SPATC1: variants seen among roughly 807,000 people sequenced by gnomAD.
SPATC1 encodes the protein spermatogenesis and centriole associated 1.
In SPATC1, 35 loss-of-function variants were observed where a neutral mutation model predicts 36.5. The ratio of observed to expected loss-of-function variants is 0.96; its 90% confidence interval spans 0.73 to 1.27. The LOEUF (loss-of-function observed/expected upper bound fraction) is 1.27. SPATC1 is among the 50% of genes most tolerant of loss of function. SPATC1 has a pLI of 0.00. For synonymous variants in SPATC1, 361 were observed against 353.6 expected (o/e 1.02, Z -0.24); for missense variants, 779 against 796.0 (o/e 0.98, Z 0.26).
intron 1 of SPATC1, among the ~76,000 whole-genome samples, chr8:144,037,513 C>T (rs1554755000): frequency 1.3e-5 from 2 of 152,102 alleles, no homozygotes; most frequent in African/African-American, 2.4e-5. Context: ...TTACCCCCAA[C>T]CCTGTGCTCT....
intron 1 of SPATC1, among the ~76,000 whole-genome samples, chr8:144,033,748 T>C (rs968802375): frequency 2.0e-5 from 3 of 152,306 alleles, no homozygotes; most frequent in East Asian, 3.9e-4. Flanking sequence ...TCAGTGACTT[T>C]GTGTCTCCAG....
At chr8:144,023,428 G>T (rs1834595182) in intron 1 of SPATC1, among the ~76,000 whole-genome samples, 1 of 65,656 alleles carries the variant, frequency 1.5e-5, no homozygotes, top group African/African-American at 4.9e-5. Context: ...TCCCCCCTCA[G>T]GACCCTCTTT....
At chr8:144,031,863 C>T (rs1239606281) in intron 1 of SPATC1, among the ~76,000 whole-genome samples, 1 of 151,704 alleles carries the variant, frequency 6.6e-6, no homozygotes, top group Non-Finnish European at 1.5e-5. Context: ...GGACCACAGG[C>T]ATGTGCCATC....
intron 4 of SPATC1, among the ~76,000 whole-genome samples, chr8:144,042,324 T>A (rs1284870697): frequency 8.3e-6 from 1 of 119,898 alleles, no homozygotes; most frequent in African/African-American, 3.5e-5. Context: ...TTTTTTTTTT[T>A]TTTTTTTTTT....
At chr8:144,014,489 A>G (rs1458485621) in intron 1 of SPATC1, among the ~76,000 whole-genome samples, 3 of 151,776 alleles carry the variant, frequency 2.0e-5, no homozygotes, top group Admixed American at 2.0e-4. Context: ...AAGGAAGGAA[A>G]GAAGGAAGGA....
In SPATC1 at chr8:144,012,653, C is replaced by T. The variant is rs369710770; in HGVS notation, c.138C>T (p.Gly46=). 4.1e-5 allele frequency: 64 copies of T among 1,551,596 alleles called. 1 individual carries two copies. The highest frequency in any genetic ancestry group is 4.0e-4 in the South Asian group (34 of 84,072). ...AGTCAGCGATCAAGACTCAGGCAGG[C>T]GGGCTCGGCATCAGCGGGTTCACGA... ...ELKSAIKTQA[G]GLGISGFTSG... Residue 46 remains glycine, a synonymous_variant, in exon 1 of 5, where the codon GGC becomes GGT. Transcript: ENST00000377470.
In SPATC1 at chr8:144,027,812, G is replaced by A. The variant is rs898865960; in HGVS notation, c.212-12097G>A. 1.1e-3 allele frequency among the ~76,000 whole-genome samples: 172 copies of A among 152,166 alleles called. 1 individual carries two copies. Among genetic ancestry groups the A allele is most frequent in the African/African-American group, 4.1e-3 (169 of 41,528 alleles). ...GTTTGAGACCAGCCTGGCCAACATG[G>A]TGAAATCCCATCTCTACTAAAAATA... On this transcript the variant is annotated intron_variant, in intron 1 of 4. Coordinates refer to ENST00000377470, the MANE Select transcript of SPATC1 (RefSeq NM_198572.3).
At chr8:144,025,292 C>T (rs1834654164) in intron 1 of SPATC1, among the ~76,000 whole-genome samples, 1 of 152,210 alleles carries the variant, frequency 6.6e-6, no homozygotes, top group East Asian at 1.9e-4. Context: ...AGTGATCCTC[C>T]CATCTTAGCC....
intron 4 of SPATC1, among the ~76,000 whole-genome samples, chr8:144,044,152 T>C (rs543298535): frequency 2.8e-4 from 43 of 152,254 alleles, no homozygotes; most frequent in African/African-American, 1.0e-3. Context: ...ATTCAGTAAA[T>C]GCGTAAAGCA....
chr8:144,024,756 C>T (rs1198237121), intron 1 of SPATC1, among the ~76,000 whole-genome samples: 2 of 151,222 alleles, frequency 1.3e-5, no homozygotes, highest in Non-Finnish European at 3.0e-5. Flanking sequence ...ACCCTCCTTC[C>T]CTCAGGACCC....
intron 1 of SPATC1, among the ~76,000 whole-genome samples, chr8:144,024,261 A>G (rs1382853915): frequency 8.2e-6 from 1 of 122,334 alleles, no homozygotes; most frequent in Non-Finnish European, 1.7e-5. Context: ...CTCATGACCT[A>G]CTCACTCCCC....
At chr8:144,042,311 ATTTTTTTTTTT>A (rs1184651892) in intron 4 of SPATC1, among the ~76,000 whole-genome samples, 2 of 23,882 alleles carry the variant, frequency 8.4e-5, no homozygotes, top group African/African-American at 2.4e-4. Context: ...ATATATATAT[ATTTTTTTTTTT>A]TTTTTTTTTT....
intron 1 of SPATC1, among the ~76,000 whole-genome samples, chr8:144,014,093 A>G (rs1781699906): frequency 6.6e-6 from 1 of 152,142 alleles, no homozygotes; most frequent in African/African-American, 2.4e-5. Flanking sequence ...TCTACTAAAA[A>G]TACAAAAAGT....
chr8:144,037,941 A>G (rs1329526768), intron 1 of SPATC1, among the ~76,000 whole-genome samples: 6 of 151,902 alleles, frequency 3.9e-5, no homozygotes, highest in Non-Finnish European at 7.4e-5. Flanking sequence ...CATCCTGGCT[A>G]ACACGGTGAA....
chr8:144,026,381 C>T lies in SPATC1; in HGVS notation c.212-13528C>T, dbSNP rs967565530. ...TGGTGGCCATTTGGGTTATTTCCTCCTTTGGGCTATTATGAATAATGCCGC... is the reference window on the plus strand; with the variant it reads ...TGGTGGCCATTTGGGTTATTTCCTCTTTTGGGCTATTATGAATAATGCCGC... On this transcript the variant is annotated intron_variant, in intron 1 of 4. Coordinates refer to ENST00000377470, the MANE Select transcript of SPATC1 (RefSeq NM_198572.3). 2.4e-4 allele frequency among the ~76,000 whole-genome samples: 36 copies of T among 152,244 alleles called. No homozygotes were observed. In the Middle Eastern group the frequency reaches 0.014, roughly 58 times the overall value.
intron 1 of SPATC1, among the ~76,000 whole-genome samples, chr8:144,021,173 C>A (rs1449661425): frequency 1.8e-4 from 17 of 93,402 alleles, no homozygotes; most frequent in Non-Finnish European, 3.4e-4. Flanking sequence ...CCCCTCAAGA[C>A]CTTTCCCATC....
intron 1 of SPATC1, among the ~76,000 whole-genome samples, chr8:144,013,129 T>A (rs542608758): frequency 6.6e-6 from 1 of 152,268 alleles, no homozygotes; most frequent in African/African-American, 2.4e-5. Flanking sequence ...CTGACACCAC[T>A]GCTCTAGAAC....
chr8:144,039,877 C>G, intron 1 of SPATC1, 32 bp from the exon 2 acceptor site: 1 of 1,593,856 alleles, frequency 6.3e-7, no homozygotes, highest in Non-Finnish European at 8.6e-7. Flanking sequence ...AGGGGCTCCC[C>G]TGGGGTCTCA....
At chr8:144,015,043 T>A (rs181968384) in intron 1 of SPATC1, among the ~76,000 whole-genome samples, 11,000 of 143,990 alleles carry the variant, frequency 0.076, 1,268 homozygotes, top group African/African-American at 0.27. Flanking sequence ...ATATTTAAAA[T>A]TTTTTTTTTT....
Sources: allele counts gnomAD v4.1 joint callset (sites outside exome capture counted in the v4.1 genomes callset), GRCh38; gene constraint gnomAD v4.1.1; transcripts MANE v1.5; gene names NCBI Gene and HGNC (gene_info 2026-07-23, HGNC 2026-07-21).